PTPN9: variants seen among roughly 807,000 people sequenced by gnomAD.
The protein encoded by PTPN9 is protein tyrosine phosphatase non-receptor type 9, also known as tyrosine-protein phosphatase non-receptor type 9.
Under a neutral mutation model 69.8 loss-of-function variants are expected in PTPN9, and 26 were observed. The ratio of observed to expected loss-of-function variants is 0.37; its 90% CI spans 0.27 to 0.52. PTPN9 has a LOEUF of 0.52. Among genes scored for constraint, PTPN9 ranks in the 20% least tolerant of loss-of-function variants. The pLI is 0.91. For missense variants in PTPN9, 549 were observed against 740.3 expected (o/e 0.74, Z 3.00); for synonymous variants, 274 against 272.5 (o/e 1.01, Z -0.05).
intron 1 of PTPN9, among the ~76,000 whole-genome samples, chr15:75,528,938 G>A (rs957740228): frequency 4.6e-5 from 7 of 151,714 alleles, no homozygotes; most frequent in African/African-American, 1.7e-4. Flanking sequence ...CAGTGCTCAA[G>A]TGATCATTCC....
intron 5 of PTPN9, among the ~76,000 whole-genome samples, chr15:75,515,726 C>T (rs2074866279): frequency 3.3e-5 from 5 of 151,924 alleles, no homozygotes; most frequent in Admixed American, 2.6e-4. Flanking sequence ...GGAGAAACCC[C>T]GTCTCTACCA....
intron 7 of PTPN9, among the ~76,000 whole-genome samples, chr15:75,504,301 A>G (rs1595955383): frequency 1.0e-5 from 1 of 98,814 alleles, no homozygotes; most frequent in Non-Finnish European, 2.0e-5. Context: ...CCGGGAGGTG[A>G]GGGGCGCCTC....
chr15:75,530,065 G>A (rs1190323362), intron 1 of PTPN9, among the ~76,000 whole-genome samples: 2 of 151,614 alleles, frequency 1.3e-5, no homozygotes, highest in African/African-American at 2.4e-5. Flanking sequence ...AGCTGGGCAT[G>A]GTGGCATGCG....
chr15:75,469,179 T>C (rs2074551393), intron 12 of PTPN9, among the ~76,000 whole-genome samples, 196 bp from the exon 13 acceptor site: 1 of 152,216 alleles, frequency 6.6e-6, no homozygotes, highest in Admixed American at 6.5e-5. Context: ...TGAGAAGGCC[T>C]CTTATTTCTC....
chr15:75,574,469 G>A (rs146637625), intron 1 of PTPN9, among the ~76,000 whole-genome samples: 21 of 152,174 alleles, frequency 1.4e-4, no homozygotes, highest in Non-Finnish European at 2.6e-4. Context: ...TAGTAGCTTC[G>A]AATAGGGTGA....
Position 75,541,631 on chromosome 15 carries a change from C to T in PTPN9, c.64-14370G>A, listed in dbSNP as rs1012648610. Among the ~76,000 whole-genome samples, 4 of 151,930 alleles carry T rather than the reference C, an allele frequency of 2.6e-5. No individual in the cohort carries two copies. In the East Asian group the frequency reaches 7.8e-4, roughly 30 times the overall value. Reference sequence around the variant, plus strand: ...CCGTGTTAGCCAGGATGGTCTTGATCTCCTGACCTCCTGATCCGCCTGCCT... The same window carrying T: ...CCGTGTTAGCCAGGATGGTCTTGATTTCCTGACCTCCTGATCCGCCTGCCT... On this transcript the variant is annotated intron_variant, in intron 1 of 12. Transcript: ENST00000618819.
At chr15:75,520,151 T>C (rs374376888) in intron 4 of PTPN9, among the ~76,000 whole-genome samples, 1 of 152,070 alleles carries the variant, frequency 6.6e-6, no homozygotes, top group East Asian at 1.9e-4. Flanking sequence ...ACAAAGAAAA[T>C]GTGTGGCACA....
intron 5 of PTPN9, chr15:75,513,127 A>T: frequency 5.2e-6 from 2 of 387,542 alleles, no homozygotes; most frequent in South Asian, 3.9e-5. Flanking sequence ...AGGTACCCCC[A>T]GACAGTCATG....
intron 7 of PTPN9, among the ~76,000 whole-genome samples, chr15:75,491,899 C>A (rs1217965044): frequency 6.6e-6 from 1 of 152,082 alleles, no homozygotes. Flanking sequence ...TCTTCAATTC[C>A]AATTTCATTT....
Position 75,519,700 on chromosome 15 carries a change from G to A in PTPN9, c.423-2336C>T, listed in dbSNP as rs538254443. On this transcript the variant is annotated intron_variant, in intron 4 of 12. Transcript: ENST00000618819. ...TTGCCCAGGCTGGTCTCAAACTCCTGACCTCAAGTGATCTGCCCCCCTCGG... is the reference window on the plus strand; with the variant it reads ...TTGCCCAGGCTGGTCTCAAACTCCTAACCTCAAGTGATCTGCCCCCCTCGG... Among the ~76,000 whole-genome samples the A allele has an allele frequency of 4.6e-5, 7 of 151,620 alleles. No homozygotes were observed. The South Asian group carries it at 1.5e-3, about 32-fold the overall frequency.
At chr15:75,485,885 G>A (rs866884223) in intron 8 of PTPN9, among the ~76,000 whole-genome samples, 7 of 150,972 alleles carry the variant, frequency 4.6e-5, no homozygotes, top group Admixed American at 1.3e-4. Context: ...CAGATCACGA[G>A]GTCAGGAGAT....
At chr15:75,499,159 C>T (rs1178571205) in intron 7 of PTPN9, among the ~76,000 whole-genome samples, 1 of 152,094 alleles carries the variant, frequency 6.6e-6, no homozygotes, top group Non-Finnish European at 1.5e-5. Context: ...ACACTGATAG[C>T]CACTTCATAA....
chr15:75,503,354 T>C (rs1250256255), intron 7 of PTPN9, among the ~76,000 whole-genome samples: 2 of 123,922 alleles, frequency 1.6e-5, no homozygotes, highest in Non-Finnish European at 3.4e-5. Context: ...GAGGAGCGTC[T>C]CTGCCCAGCC....
At chr15:75,524,168 G>T in intron 3 of PTPN9, 41 bp downstream of exon 3, 1 of 1,070,118 alleles carries the variant, frequency 9.3e-7, no homozygotes, top group South Asian at 2.1e-5. Flanking sequence ...GTTAAAAAAG[G>T]AAGTAATAAG....
intron 12 of PTPN9, among the ~76,000 whole-genome samples, chr15:75,469,457 G>A (rs1225446450): frequency 1.3e-5 from 2 of 152,238 alleles, no homozygotes; most frequent in Non-Finnish European, 2.9e-5. Flanking sequence ...CACAGGGTGG[G>A]GAGTCCCTCC....
At chr15:75,559,307 G>A (rs1309696165) in intron 1 of PTPN9, among the ~76,000 whole-genome samples, 5 of 152,246 alleles carry the variant, frequency 3.3e-5, no homozygotes, top group East Asian at 1.9e-4. Context: ...CCATGACGAC[G>A]ATGGCGGTTT....
chr15:75,537,753 C>CAAAAAAAAAAAAA (rs1164644727), intron 1 of PTPN9, among the ~76,000 whole-genome samples: 3 of 11,390 alleles, frequency 2.6e-4, no homozygotes, highest in Non-Finnish European at 4.7e-4. Flanking sequence ...GACTCCATCT[C>CAAAAAAAAAAAAA]AAAAAAAAAA....
chr15:75,538,364 A>G (rs2074994152), intron 1 of PTPN9, among the ~76,000 whole-genome samples: 1 of 152,140 alleles, frequency 6.6e-6, no homozygotes. Context: ...GTCATACCTA[A>G]CAGAAGCCAA....
At chr15:75,560,717 C>T (rs902681792) in intron 1 of PTPN9, among the ~76,000 whole-genome samples, 4 of 151,952 alleles carry the variant, frequency 2.6e-5, no homozygotes, top group African/African-American at 9.7e-5. Context: ...TATTTTGTTG[C>T]TGTTGTTGTT....
Sources: gnomAD v4.1 joint callset for allele counts (sites outside exome capture counted in the v4.1 genomes callset) on GRCh38, gnomAD v4.1.1 for gene constraint, MANE v1.5 for transcripts, NCBI Gene and HGNC (gene_info 2026-07-23, HGNC 2026-07-21) for gene names.